Variants in KL observed in about 807,000 individuals in gnomAD.
KL encodes the protein klotho.
Under a neutral mutation model 84.2 loss-of-function variants are expected in KL, and 62 were observed. The ratio of observed to expected loss-of-function variants is 0.74; its 90% confidence interval spans 0.60 to 0.91. The LOEUF (loss-of-function observed/expected upper bound fraction) is 0.91, where lower values mean the gene tolerates loss of function less well. Among genes scored for constraint, KL ranks in the 40% least tolerant of loss-of-function variants. The probability of loss-of-function intolerance (pLI) is 0.00; values close to 1 mark genes in which losing one functional copy is unlikely to be tolerated. For synonymous variants in KL, 528 were observed against 528.0 expected, an observed-to-expected ratio of 1.00 and a Z score of 0.00; for missense variants, 1,261 against 1,305.7, an observed-to-expected ratio of 0.97 and a Z score of 0.53.
At chr13:33,031,451 T>C (rs1292226821) in intron 1 of KL, among the ~76,000 whole-genome samples, 1 of 152,060 alleles carries the variant, frequency 6.6e-6, no homozygotes. Context: ...AAATCACATA[T>C]AGAATATTCT....
chr13:33,054,354 G>T, intron 2 of KL, 77 bp downstream of exon 2: 4 of 1,409,804 alleles, frequency 2.8e-6, no homozygotes, highest in Non-Finnish European at 4.0e-6. Context: ...TAACATAAAT[G>T]ATGTGAATTT....
Position 33,061,295 on chromosome 13 carries a change from G to T in KL, c.2216G>T (p.Cys739Phe), listed in dbSNP as rs1329089931. 1.2e-6 allele frequency: 2 copies of T among 1,614,082 alleles called. No individual in the cohort carries two copies. The highest frequency in any genetic ancestry group is 2.2e-5 in the East Asian group (1 of 44,892). The change falls in exon 4 of 5, where the codon TGC becomes TTC. Residue 739 changes from cysteine to phenylalanine, a missense_variant. By Grantham distance (205) the Cys-to-Phe change is radical. Transcript: ENST00000380099. ...ALQADWIEPA[C>F]PFSQKDKEVA... ...CAGGCTGATTGGATAGAACCTGCCT[G>T]CCCTTTCTCCCAAAAGGACAAAGAG...
rs1233462212 is a variant in KL, at chr13:33,046,282, G to A, written c.820-7485G>A. Among the ~76,000 whole-genome samples the A allele has an allele frequency of 2.6e-5, 4 of 151,916 alleles. No individual in the cohort carries two copies. The East Asian group carries it at 7.7e-4, about 29-fold the overall frequency. ...AGCCACTAGTCCTGGGCTTTTCTTA[G>A]TTTGAAAGTTTTTGATTACTAATTC... is the stretch of plus-strand genomic sequence containing the variant. On this transcript the variant is annotated intron_variant, in intron 1 of 4. Coordinates refer to ENST00000380099, the MANE Select transcript of KL (RefSeq NM_004795.4).
At chr13:33,022,404 TGGA>T (rs1335327378) in intron 1 of KL, among the ~76,000 whole-genome samples, 1 of 152,160 alleles carries the variant, frequency 6.6e-6, no homozygotes, top group Non-Finnish European at 1.5e-5. Context: ...AAATTTTAGG[TGGA>T]GGAGGAGAAT....
intron 1 of KL, among the ~76,000 whole-genome samples, chr13:33,027,779 G>A (rs1870832374): frequency 6.6e-6 from 1 of 152,188 alleles, no homozygotes; most frequent in Admixed American, 6.5e-5. Context: ...ACTCAGAATG[G>A]CATTCTCTTT....
intron 1 of KL, among the ~76,000 whole-genome samples, chr13:33,038,912 T>C (rs1254289156): frequency 6.6e-6 from 1 of 152,200 alleles, no homozygotes; most frequent in Non-Finnish European, 1.5e-5. Context: ...TTTTAAAAAA[T>C]TTGTGTTTTC....
At chr13:33,017,760 G>A (rs1051608882) in intron 1 of KL, among the ~76,000 whole-genome samples, 6 of 152,144 alleles carry the variant, frequency 3.9e-5, no homozygotes, top group African/African-American at 1.4e-4. Context: ...CACAACTCCC[G>A]GAGAGTCAGA....
At chr13:33,037,779 CAT>C (rs1227464502) in intron 1 of KL, among the ~76,000 whole-genome samples, 14 of 152,030 alleles carry the variant, frequency 9.2e-5, no homozygotes, top group Non-Finnish European at 1.8e-4. Context: ...GAGGATGAGA[CAT>C]GTGGGGCAGA....
intron 1 of KL, among the ~76,000 whole-genome samples, chr13:33,020,879 G>A (rs1328038262): frequency 1.3e-5 from 2 of 152,164 alleles, no homozygotes; most frequent in African/African-American, 4.8e-5. Context: ...ACAAGACAGA[G>A]TCCTTGCTTT....
At chr13:33,019,641 C>T (rs896336761) in intron 1 of KL, among the ~76,000 whole-genome samples, 1 of 151,776 alleles carries the variant, frequency 6.6e-6, no homozygotes, top group African/African-American at 2.4e-5. Flanking sequence ...AATGGAGGCC[C>T]TGCTCAGAAT....
chr13:33,052,386 C>T (rs910605548), intron 1 of KL, among the ~76,000 whole-genome samples: 9 of 152,094 alleles, frequency 5.9e-5, no homozygotes, highest in Non-Finnish European at 1.0e-4. Context: ...AAGTGTGGCA[C>T]GATTAAGACC....
chr13:33,016,426 T>C lies in KL; in HGVS notation c.-15T>C. ...GGGCGCGGCGCGGGGCCCCGGAGCCTGGCTCCCGCGCAGCATGCCCGCCAG... is the reference window on the plus strand; with the variant it reads ...GGGCGCGGCGCGGGGCCCCGGAGCCCGGCTCCCGCGCAGCATGCCCGCCAG... On this transcript the variant is annotated 5_prime_UTR_variant, in exon 1 of 5. Transcript: ENST00000380099. The C allele has an allele frequency of 2.2e-6, 2 of 929,856 alleles. No individual in the cohort carries two copies. The highest frequency in any genetic ancestry group is 2.5e-6 in the Non-Finnish European group (2 of 787,696). The allele number at this position is 929,856 out of a possible 1,614,324, so 57.6% of individuals were successfully genotyped here.
intron 1 of KL, among the ~76,000 whole-genome samples, chr13:33,029,350 C>T (rs569524729): frequency 6.6e-6 from 1 of 152,292 alleles, no homozygotes; most frequent in South Asian, 2.1e-4. Context: ...CGATCTGTCC[C>T]ATGAATCAAT....
chr13:33,060,802 T>A lies in KL; in HGVS notation c.1723T>A (p.Phe575Ile). The A allele has an allele frequency of 1.2e-6, 2 of 1,614,240 alleles. No homozygotes were observed. Among genetic ancestry groups the A allele is most frequent in the Non-Finnish European group, 1.7e-6 (2 of 1,180,044 alleles). The part of the protein sequence containing the change: ...TKKRKSYCVD[F>I]AAIQPQIALL... The stretch of plus-strand genomic sequence containing the variant: ...GAAGAGGAAATCCTACTGTGTTGAC[T>A]TTGCTGCCATCCAGCCCCAGATCGC... The change falls in exon 4 of 5, where the codon TTT (phenylalanine) becomes ATT (isoleucine). Residue 575 changes from phenylalanine (F) to isoleucine (I), a missense_variant. Physicochemically the swap from Phe to Ile is conservative, Grantham distance 21 (BLOSUM62 0). Coordinates refer to ENST00000380099, the MANE Select transcript of KL (RefSeq NM_004795.4).
intron 1 of KL, among the ~76,000 whole-genome samples, chr13:33,031,920 C>A (rs563925): frequency 0.25 from 38,456 of 151,174 alleles, 5,717 homozygotes; most frequent in East Asian, 0.47. Flanking sequence ...TTCTAGAGTC[C>A]TTTTTTTTTG....
At position 33,064,813 on chromosome 13, in the gene KL, AT is replaced by A. The variant is rs1872347964; in HGVS notation, c.*631del. 2.7e-5 allele frequency: 6 copies of A among 226,356 alleles called. No homozygotes were observed. The Admixed American group carries it at 3.4e-4, about 13-fold the overall frequency. The allele number at this position is 226,356 out of a possible 1,614,324, so 14.0% of individuals were successfully genotyped here. A position where few individuals can be genotyped will look rare whatever the true frequency, so the allele number is the denominator to read the frequency against. ...TGGAGAGCAAATTATGGAAATGTGT[AT>A]TTTATATGATTTTTGAGGTCCTGTC... On this transcript the variant is annotated 3_prime_UTR_variant, in exon 5 of 5. Transcript: ENST00000380099.
intron 1 of KL, among the ~76,000 whole-genome samples, chr13:33,031,399 C>T (rs540320267): frequency 3.3e-5 from 5 of 151,876 alleles, no homozygotes; most frequent in Admixed American, 6.6e-5. Flanking sequence ...AGAATAGATA[C>T]GATCATAGAA....
At chr13:33,050,894 C>T (rs1871717439) in intron 1 of KL, among the ~76,000 whole-genome samples, 2 of 152,214 alleles carry the variant, frequency 1.3e-5, no homozygotes, top group Non-Finnish European at 2.9e-5. Context: ...AGATGTCATT[C>T]CCACTTGTAC....
At chr13:33,045,312 C>T (rs995245792) in intron 1 of KL, among the ~76,000 whole-genome samples, 3 of 152,120 alleles carry the variant, frequency 2.0e-5, no homozygotes, top group Non-Finnish European at 2.9e-5. Flanking sequence ...AGTTTTACTT[C>T]TTTTCTAACT....
Sources: gnomAD v4.1 joint callset for allele counts (sites outside exome capture counted in the v4.1 genomes callset) on GRCh38, gnomAD v4.1.1 for gene constraint, MANE v1.5 for transcripts, NCBI Gene and HGNC (gene_info 2026-07-23, HGNC 2026-07-21) for gene names.